FOCAD: variants seen among roughly 807,000 people sequenced by gnomAD.
FOCAD encodes the protein KIAA1797.
A neutral mutation model predicts 225.6 loss-of-function variants in FOCAD; 198 were observed. The observed-to-expected ratio is 0.88, with a 90% CI of 0.78 to 0.99. The LOEUF (loss-of-function observed/expected upper bound fraction) is 0.99. Among genes scored for constraint, FOCAD ranks in the 50% least tolerant of loss-of-function variants. The pLI, the probability that FOCAD is intolerant of heterozygous loss-of-function variation, is 0.00. For synonymous variants in FOCAD, 897 were observed against 755.0 expected (o/e 1.19, Z -3.08); for missense variants, 2,713 against 2,123.6 (o/e 1.28, Z -5.46).
chr9:20,769,989 G>C, intron 7 of FOCAD, 43 bp from the exon 8 acceptor site: 4 of 1,526,788 alleles, frequency 2.6e-6, no homozygotes, highest in African/African-American at 1.4e-5. Flanking sequence ...TTATCTTTTG[G>C]TTTGTGTATT....
Position 20,866,950 on chromosome 9 carries a change from G to T in FOCAD, c.2128G>T (p.Ala710Ser), listed in dbSNP as rs201003561. 6.8e-6 allele frequency: 8 copies of T among 1,175,432 alleles called. No homozygotes were observed. In the East Asian group the frequency reaches 2.5e-4, roughly 37 times the overall value. The allele number at this position is 1,175,432 out of a possible 1,614,324, so 72.8% of individuals were successfully genotyped here. Reference protein sequence around the residue: ...QNKDPIVANAAYRSLANFSAG... With the variant: ...QNKDPIVANASYRSLANFSAG... ...CTAGGACCCAATTGTAGCAAATGCT[G>T]CATATAGATCCCTGGCCAACTTTAG... The change falls in exon 18 of 44, where the codon GCA becomes TCA. Residue 710 changes from alanine (A) to serine (S), a missense_variant. Physicochemically the swap from Ala to Ser is moderately conservative, Grantham distance 99. Coordinates refer to ENST00000338382, the MANE Select transcript of FOCAD (RefSeq NM_001375567.1).
intron 11 of FOCAD, among the ~76,000 whole-genome samples, chr9:20,810,673 C>G (rs1175216407): frequency 6.6e-6 from 1 of 151,992 alleles, no homozygotes; most frequent in African/African-American, 2.4e-5. Context: ...ACCATTACAT[C>G]ATGATTTAAG....
chr9:20,907,424 A>T (rs997985975), intron 22 of FOCAD, among the ~76,000 whole-genome samples, 182 bp downstream of exon 22: 1 of 151,998 alleles, frequency 6.6e-6, no homozygotes, highest in Admixed American at 6.6e-5. Context: ...TTAAACATCA[A>T]TGCCCCCCAA....
upstream of FOCAD, among the ~76,000 whole-genome samples, chr9:20,656,010 A>C (rs554030011): frequency 3.0e-4 from 45 of 151,926 alleles, no homozygotes; most frequent in Non-Finnish European, 5.6e-4. Context: ...GAACATCTTT[A>C]TTTCTGCCTT....
chr9:20,932,878 T>A (rs1835611894), intron 27 of FOCAD, 136 bp from the exon 28 acceptor site: 1 of 627,748 alleles, frequency 1.6e-6, no homozygotes, highest in Non-Finnish European at 2.8e-6. Context: ...AGGCAACTCA[T>A]CAATATTGTC....
intron 1 of FOCAD, among the ~76,000 whole-genome samples, chr9:20,693,962 TGG>T (rs1823138531): frequency 6.6e-6 from 1 of 152,210 alleles, no homozygotes; most frequent in Non-Finnish European, 1.5e-5. Context: ...CTTCCTGCCT[TGG>T]CCTCTCAAAG....
intron 28 of FOCAD, among the ~76,000 whole-genome samples, chr9:20,936,508 A>G (rs1564175301): frequency 6.6e-6 from 1 of 152,184 alleles, no homozygotes; most frequent in Non-Finnish European, 1.5e-5. Flanking sequence ...CTCAAGAAAC[A>G]CTTTTGGGGT....
intron 43 of FOCAD, among the ~76,000 whole-genome samples, chr9:20,994,690 C>G (rs1841928768): frequency 6.6e-6 from 1 of 152,158 alleles, no homozygotes; most frequent in Non-Finnish European, 1.5e-5. Context: ...TCCCTAGAGA[C>G]TTGCTGCTAG....
At chr9:20,924,973 A>T (rs1834805759) in intron 25 of FOCAD, among the ~76,000 whole-genome samples, 1 of 152,182 alleles carries the variant, frequency 6.6e-6, no homozygotes, top group African/African-American at 2.4e-5. Context: ...GCATTTAACT[A>T]ACCTTCAAAC....
intron 5 of FOCAD, among the ~76,000 whole-genome samples, chr9:20,755,274 T>G (rs1211150541): frequency 1.3e-5 from 2 of 152,212 alleles, no homozygotes; most frequent in Non-Finnish European, 2.9e-5. Flanking sequence ...TCCTACTATA[T>G]TCTACTTAAT....
Position 20,925,864 on chromosome 9 carries a change from G to A in FOCAD, c.2962-437G>A, listed in dbSNP as rs77824938. Among the ~76,000 whole-genome samples the A allele has an allele frequency of 2.3e-3, 343 of 152,324 alleles. 10 individuals are homozygous for A. In the East Asian group the frequency reaches 0.045, roughly 20 times the overall value. On this transcript the variant is annotated intron_variant, in intron 25 of 43. Coordinates refer to ENST00000338382, the MANE Select transcript of FOCAD (RefSeq NM_001375567.1). ...CTAAATGGTAATAGTCACCAGAAATGCTAGAGATGTTGATCTGAATTCTGT... is the reference window on the plus strand; with the variant it reads ...CTAAATGGTAATAGTCACCAGAAATACTAGAGATGTTGATCTGAATTCTGT...
At chr9:20,988,544 A>C (rs1841387534) in intron 41 of FOCAD, 115 bp downstream of exon 41, 1 of 364,312 alleles carries the variant, frequency 2.7e-6, no homozygotes, top group African/African-American at 2.2e-5. Context: ...TTACTTTTGC[A>C]CCAACCTAAA....
intron 5 of FOCAD, among the ~76,000 whole-genome samples, chr9:20,745,238 T>C (rs1423109406): frequency 1.3e-5 from 2 of 152,000 alleles, no homozygotes; most frequent in East Asian, 1.9e-4. Context: ...GCTCCCCCAG[T>C]AGCTGGGACT....
At chr9:20,759,816 TAA>T (rs2130909557) in intron 6 of FOCAD, among the ~76,000 whole-genome samples, 1 of 152,346 alleles carries the variant, frequency 6.6e-6, no homozygotes, top group Non-Finnish European at 1.5e-5. Flanking sequence ...AATAATTCAG[TAA>T]GCTACTACAC....
At chr9:20,861,520 G>A (rs1828770254) in intron 15 of FOCAD, among the ~76,000 whole-genome samples, 1 of 152,168 alleles carries the variant, frequency 6.6e-6, no homozygotes. Context: ...TGTTTCACAG[G>A]AAGTATAAAG....
At chr9:20,932,050 A>G (rs987620968) in intron 27 of FOCAD, among the ~76,000 whole-genome samples, 2 of 152,108 alleles carry the variant, frequency 1.3e-5, no homozygotes, top group African/African-American at 2.4e-5. Context: ...CTTCTGTCAT[A>G]ACCCCCAGAA....
rs1375020260 is a variant in FOCAD, at chr9:20,916,947, A to T, written c.2852+10A>T. 2.5e-6 allele frequency: 4 copies of T among 1,595,946 alleles called. 1 individual carries two copies. The South Asian group carries it at 4.6e-5, about 18-fold the overall frequency. On this transcript the variant is annotated intron_variant, in intron 24 of 43. Coordinates refer to ENST00000338382, the MANE Select transcript of FOCAD (RefSeq NM_001375567.1). ...CCAAGGCAGCTGCAAAGTAAGATCC[A>T]TTTAGTCTTTTATCAAACATTTTTT...
intron 15 of FOCAD, among the ~76,000 whole-genome samples, chr9:20,836,801 A>C (rs531470613): frequency 6.6e-6 from 1 of 152,088 alleles, no homozygotes; most frequent in South Asian, 2.1e-4. Context: ...AGTACACATA[A>C]GTCATATATG....
At chr9:20,786,259 A>G (rs1047673778) in intron 10 of FOCAD, among the ~76,000 whole-genome samples, 1 of 152,214 alleles carries the variant, frequency 6.6e-6, no homozygotes, top group African/African-American at 2.4e-5. Context: ...AACTGTGATA[A>G]TAGTAAATTG....
Sources: gnomAD v4.1 joint callset for allele counts (sites outside exome capture counted in the v4.1 genomes callset) on GRCh38, gnomAD v4.1.1 for gene constraint, MANE v1.5 for transcripts, NCBI Gene and HGNC (gene_info 2026-07-23, HGNC 2026-07-21) for gene names.